The following RIN2 variants were observed in gnomAD, a reference collection of about 807,000 sequenced individuals.
RIN2 encodes RAB5 interacting protein 2.
RIN2 carries 36 observed loss-of-function variants against 78.0 expected under a neutral mutation model. The observed-to-expected ratio is 0.46, with a 90% confidence interval of 0.35 to 0.61. RIN2 has a LOEUF of 0.61. Among genes scored for constraint, RIN2 ranks in the 20% least tolerant of loss-of-function variants. RIN2 has a pLI of 0.00. For synonymous variants in RIN2, 466 were observed against 466.8 expected, an observed-to-expected ratio of 1.00 and a Z score of 0.02; for missense variants, 1,087 against 1,159.7, an observed-to-expected ratio of 0.94 and a Z score of 0.91.
intron 3 of RIN2, among the ~76,000 whole-genome samples, chr20:19,914,004 T>C (rs1020204331): frequency 1.3e-5 from 2 of 152,168 alleles, no homozygotes; most frequent in African/African-American, 2.4e-5. Context: ...CACACGTGCG[T>C]TGTGATGGGG....
At chr20:19,788,439 A>AAAAAAAAAAAAAAAAAAAAAAAACC (rs1555818733) in intron 1 of RIN2, among the ~76,000 whole-genome samples, 2 of 133,034 alleles carry the variant, frequency 1.5e-5, no homozygotes, top group African/African-American at 3.3e-5. Context: ...TGCCAAAAAA[A>AAAAAAAAAAAAAAAAAAAAAAAACC]AAAAAAAAAA....
In RIN2 at chr20:20,000,887, C is replaced by A. The variant is rs1429708539; in HGVS notation, c.2639C>A (p.Pro880His). Residue 880 changes from proline (P) to histidine (H), a missense_variant, in exon 13 of 13, where the codon CCT becomes CAT. By Grantham distance (77) the Pro-to-His change is moderately conservative (BLOSUM62 -2). Transcript: ENST00000255006. ...HFVYKRIKND[P>H]YGIIFQNGEE... The stretch of plus-strand genomic sequence containing the variant: ...GTCTACAAACGCATCAAGAACGATC[C>A]TTATGGCATCATTTTCCAGAACGGG... 1.9e-6 allele frequency: 3 copies of A among 1,613,690 alleles called. No individual in the cohort carries two copies. The East Asian group carries it at 6.7e-5, about 36-fold the overall frequency.
chr20:19,939,342 T>G (rs2040771488), intron 4 of RIN2, among the ~76,000 whole-genome samples: 1 of 152,100 alleles, frequency 6.6e-6, no homozygotes. Flanking sequence ...GCCACCGTGC[T>G]TGGCCTCTAC....
At chr20:19,842,356 T>TGGGATTAC (rs1407839324) in intron 2 of RIN2, among the ~76,000 whole-genome samples, 1 of 144,006 alleles carries the variant, frequency 6.9e-6, no homozygotes, top group East Asian at 2.1e-4. Context: ...CCCTAGTAGC[T>TGGGATTAC]GGGATTACAG....
Position 19,956,520 on chromosome 20 carries a change from G to T in RIN2, c.159-95G>T, listed in dbSNP as rs77892435. 4 of 1,114,390 alleles carry T rather than the reference G, an allele frequency of 3.6e-6. No individual in the cohort carries two copies. In the Admixed American group the frequency reaches 7.9e-5, roughly 22 times the overall value. 69.0% of individuals were successfully genotyped at this position (1,114,390 alleles called of 1,614,324 possible). A position where few individuals can be genotyped will look rare whatever the true frequency, so the allele number is the denominator to read the frequency against. ...GGCGATCACAAGATGGGGTATGTGCGGTGGCAAGCCTGGCCTATGAACTTG... is the reference window on the plus strand; with the variant it reads ...GGCGATCACAAGATGGGGTATGTGCTGTGGCAAGCCTGGCCTATGAACTTG... On this transcript the variant is annotated intron_variant, in intron 4 of 12. Transcript: ENST00000255006.
At chr20:19,807,485 C>T (rs1437079724) in intron 2 of RIN2, among the ~76,000 whole-genome samples, 2 of 151,956 alleles carry the variant, frequency 1.3e-5, no homozygotes, top group African/African-American at 4.8e-5. Context: ...CCTAAGGCTC[C>T]AGGAATCTCT....
At chr20:19,899,197 A>G (rs146827888) in intron 3 of RIN2, among the ~76,000 whole-genome samples, 118 of 152,286 alleles carry the variant, frequency 7.7e-4, no homozygotes, top group African/African-American at 2.6e-3. Context: ...TTGAAGAACT[A>G]TGTGACAGCT....
intron 3 of RIN2, among the ~76,000 whole-genome samples, chr20:19,910,507 C>CT (rs1231662922): frequency 1.4e-5 from 2 of 148,054 alleles, no homozygotes; most frequent in African/African-American, 5.0e-5. Flanking sequence ...TTTTCTTCTT[C>CT]TTTTTTTTAA....
chr20:19,912,564 C>T (rs1312752587), intron 3 of RIN2, among the ~76,000 whole-genome samples: 4 of 149,956 alleles, frequency 2.7e-5, no homozygotes, highest in Non-Finnish European at 5.9e-5. Flanking sequence ...CTGCAACTTC[C>T]GCCTCCGGAG....
At chr20:19,948,622 T>C (rs1372143003) in intron 4 of RIN2, among the ~76,000 whole-genome samples, 3 of 152,048 alleles carry the variant, frequency 2.0e-5, no homozygotes, top group Admixed American at 6.6e-5. Flanking sequence ...GGAAAAATCA[T>C]AGTACATTTT....
chr20:19,956,257 CAAAAAAAA>C (rs11483774), intron 4 of RIN2, among the ~76,000 whole-genome samples: 1 of 50,746 alleles, frequency 2.0e-5, no homozygotes, highest in African/African-American at 7.7e-5. Context: ...GACTCCATCT[CAAAAAAAA>C]AAAAAAAAAA....
At chr20:19,848,913 CTCTT>C (rs755841143) in intron 2 of RIN2, among the ~76,000 whole-genome samples, 8 of 152,108 alleles carry the variant, frequency 5.3e-5, no homozygotes, top group Non-Finnish European at 1.0e-4. Context: ...GTAAGGATGA[CTCTT>C]TATTTAAACT....
At chr20:19,823,685 C>T (rs1007286597) in intron 2 of RIN2, 5 of 1,582,798 alleles carry the variant, frequency 3.2e-6, no homozygotes, top group South Asian at 1.1e-5. Flanking sequence ...CTTGGTGGTT[C>T]CTTGAGGGCT....
chr20:19,793,272 A>T (rs2034946156), intron 1 of RIN2, among the ~76,000 whole-genome samples: 1 of 152,174 alleles, frequency 6.6e-6, no homozygotes, highest in African/African-American at 2.4e-5. Flanking sequence ...ATTTTTTTGT[A>T]TTAAGTCTTC....
rs372527494 is a variant in RIN2, at chr20:19,996,052, TGCCTGTAATCCCA to T, written c.2201-624_2201-612del. On this transcript the variant is annotated intron_variant, in intron 11 of 12. Transcript: ENST00000255006. Reference sequence around the variant, plus strand: ...TAATTTCGGCTGGGCATGGTGGTCATGCCTGTAATCCCAGCACTTTGAGAGGCCGAGACAGGTG... The same window carrying T: ...TAATTTCGGCTGGGCATGGTGGTCATGCACTTTGAGAGGCCGAGACAGGTG... 2.5e-3 allele frequency among the ~76,000 whole-genome samples: 381 copies of T among 152,294 alleles called. 2 individuals are homozygous for T. The highest frequency in any genetic ancestry group is 0.01 in the Middle Eastern group (3 of 294).
chr20:19,766,401 G>T (rs555329454), intron 1 of RIN2, among the ~76,000 whole-genome samples: 1 of 152,246 alleles, frequency 6.6e-6, no homozygotes, highest in Non-Finnish European at 1.5e-5. Context: ...TGGGATCAGA[G>T]GTAGAGTCAT....
Position 19,786,688 on chromosome 20 carries a change from G to GTGAGGATGCATGAAGCT in RIN2, c.-162-12931_-162-12930insGGATGCATGAAGCTTGA, listed in dbSNP as rs548699971. Among the ~76,000 whole-genome samples the GTGAGGATGCATGAAGCT allele has an allele frequency of 4.5e-3, 689 of 152,334 alleles. 5 individuals are homozygous for GTGAGGATGCATGAAGCT. The highest frequency in any genetic ancestry group is 0.016 in the African/African-American group (645 of 41,566). The stretch of plus-strand genomic sequence containing the variant: ...AATAGATAATGAGGATGCATGAAGC[G>GTGAGGATGCATGAAGCT]TGAAGATGCATGAAGCCATCATTTC... On this transcript the variant is annotated intron_variant, in intron 1 of 12. Transcript: ENST00000255006.
chr20:19,915,370 C>T lies in RIN2; in HGVS notation c.58-19729C>T, dbSNP rs79820683. 4.3e-4 allele frequency among the ~76,000 whole-genome samples: 66 copies of T among 152,244 alleles called. 1 individual carries two copies. In the East Asian group the frequency reaches 0.01, roughly 24 times the overall value. On this transcript the variant is annotated intron_variant, in intron 3 of 12. Coordinates refer to ENST00000255006, the MANE Select transcript of RIN2 (RefSeq NM_018993.4). ...GCCATCCCTCCTTGGCTGAGGGCTG[C>T]CCTGGGGTATTAACTCCCCAGCACT...
chr20:19,854,283 C>G (rs925958858), intron 2 of RIN2, among the ~76,000 whole-genome samples: 30 of 152,176 alleles, frequency 2.0e-4, no homozygotes, highest in Admixed American at 7.9e-4. Flanking sequence ...GTTACTGTAG[C>G]CTTGTAGTAT....
Sources: allele counts gnomAD v4.1 joint callset (sites outside exome capture counted in the v4.1 genomes callset), GRCh38; gene constraint gnomAD v4.1.1; transcripts MANE v1.5; gene names NCBI Gene and HGNC (gene_info 2026-07-23, HGNC 2026-07-21).